Variants in SLC2A9 observed in about 807,000 individuals in gnomAD.
SLC2A9 encodes solute carrier family 2 member 9, also known as solute carrier family 2, facilitated glucose transporter member 9.
SLC2A9 carries 39 observed loss-of-function variants against 50.6 expected under a neutral mutation model. That is an observed-to-expected ratio of 0.77 (90% CI 0.60 to 1.01). SLC2A9 has a LOEUF of 1.01. SLC2A9 is among the 50% of genes least tolerant of loss of function. The pLI, the probability that SLC2A9 is intolerant of heterozygous loss-of-function variation, is 0.00. For synonymous variants in SLC2A9, 324 were observed against 276.9 expected (o/e 1.17, Z -1.69); for missense variants, 686 against 677.6 (o/e 1.01, Z -0.14).
chr4:9,783,184 G>A, intron 3 of SLC2A9: 1 of 1,614,216 alleles, frequency 6.2e-7, no homozygotes, highest in Non-Finnish European at 8.5e-7. Flanking sequence ...CGCCGGTGGA[G>A]ACGGTGAACA....
intron 3 of SLC2A9, among the ~76,000 whole-genome samples, chr4:9,799,861 G>A (rs1032608881): frequency 7.9e-5 from 12 of 152,210 alleles, no homozygotes; most frequent in South Asian, 2.1e-4. Context: ...CAAGAGAACC[G>A]TTACTGAGGG....
At chr4:9,958,726 A>G (rs1244469096) in intron 5 of SLC2A9, among the ~76,000 whole-genome samples, 1 of 152,334 alleles carries the variant, frequency 6.6e-6, no homozygotes, top group East Asian at 1.9e-4. Context: ...AGAGGCAAGA[A>G]TCCCAGGACT....
At chr4:9,840,868 T>C (rs1727960087) in intron 10 of SLC2A9, among the ~76,000 whole-genome samples, 1 of 152,124 alleles carries the variant, frequency 6.6e-6, no homozygotes, top group Non-Finnish European at 1.5e-5. Context: ...CTTACAATCG[T>C]GGAGGAAGGC....
chr4:9,866,570 G>A (rs773813828), intron 10 of SLC2A9, among the ~76,000 whole-genome samples: 18 of 152,124 alleles, frequency 1.2e-4, no homozygotes, highest in Admixed American at 7.9e-4. Context: ...TCACGCTCAT[G>A]TCAGTGACAA....
chr4:9,814,942 G>A (rs1488914414), intron 3 of SLC2A9, among the ~76,000 whole-genome samples: 3 of 151,992 alleles, frequency 2.0e-5, no homozygotes, highest in African/African-American at 4.8e-5. Context: ...ACAAATGTAT[G>A]TGGTACATGC....
chr4:9,935,752 A>G (rs920684307), intron 6 of SLC2A9, among the ~76,000 whole-genome samples: 2 of 152,220 alleles, frequency 1.3e-5, no homozygotes, highest in African/African-American at 4.8e-5. Flanking sequence ...TGCTCCCAGC[A>G]CCGTCTCGCC....
chr4:9,992,816 C>T (rs778499360), intron 3 of SLC2A9, among the ~76,000 whole-genome samples: 2 of 152,230 alleles, frequency 1.3e-5, no homozygotes, highest in Non-Finnish European at 2.9e-5. Flanking sequence ...GTTCCTGTCA[C>T]AGGCATTCAA....
chr4:9,778,814 T>C (rs1440529991), downstream of SLC2A9, among the ~76,000 whole-genome samples: 1 of 152,060 alleles, frequency 6.6e-6, no homozygotes, highest in East Asian at 1.9e-4. Context: ...TTCTTTTTTT[T>C]TCTTTCTTTC....
At chr4:9,967,011 T>C (rs1271095904) in intron 5 of SLC2A9, among the ~76,000 whole-genome samples, 2 of 152,182 alleles carry the variant, frequency 1.3e-5, no homozygotes, top group African/African-American at 2.4e-5. Flanking sequence ...CTAGCGTCCA[T>C]TTTCAAAACT....
chr4:9,800,819 T>C (rs754384674), intron 3 of SLC2A9, among the ~76,000 whole-genome samples: 2 of 152,206 alleles, frequency 1.3e-5, no homozygotes, highest in Non-Finnish European at 1.5e-5. Flanking sequence ...GCAAATACTA[T>C]GCCATTTTAT....
rs138212995 is a variant in SLC2A9 at position 9,896,090 on chromosome 4, A to C, written c.1114-5379T>G. Among the ~76,000 whole-genome samples, 57 of 152,370 alleles carry C rather than the reference A, an allele frequency of 3.7e-4. 1 individual carries two copies. The East Asian group carries it at 0.01, about 27-fold the overall frequency. On this transcript the variant is annotated intron_variant, in intron 8 of 11. Coordinates refer to ENST00000264784, the MANE Select transcript of SLC2A9 (RefSeq NM_020041.3). The stretch of plus-strand genomic sequence containing the variant: ...CATTATGATTATTGAGTCTTCATGT[A>C]GACTTGTGCATTGATTTCTCTTGGG...
chr4:9,820,595 C>A (rs896384856), intron 3 of SLC2A9, among the ~76,000 whole-genome samples: 1 of 152,114 alleles, frequency 6.6e-6, no homozygotes, highest in Non-Finnish European at 1.5e-5. Flanking sequence ...TCCATTTATT[C>A]GTTCTTTGAC....
chr4:9,875,940 C>A (rs1734249056), intron 10 of SLC2A9, among the ~76,000 whole-genome samples: 1 of 152,160 alleles, frequency 6.6e-6, no homozygotes, highest in South Asian at 2.1e-4. Flanking sequence ...CCAAACAAAG[C>A]CATAGGCAAG....
At chr4:9,885,511 TG>T (rs1736036370) in intron 10 of SLC2A9, among the ~76,000 whole-genome samples, 1 of 152,230 alleles carries the variant, frequency 6.6e-6, no homozygotes, top group Non-Finnish European at 1.5e-5. Flanking sequence ...CTCCAAGGTT[TG>T]TTTTGAAAAA....
intron 6 of SLC2A9, among the ~76,000 whole-genome samples, chr4:9,935,136 A>C (rs771021919): frequency 2.6e-5 from 4 of 152,202 alleles, no homozygotes; most frequent in Non-Finnish European, 2.9e-5. Flanking sequence ...ATGTGTCTTT[A>C]CAGTACAATG....
At chr4:9,919,377 C>CAGTTGTT (rs1400495642) in intron 7 of SLC2A9, among the ~76,000 whole-genome samples, 1 of 152,158 alleles carries the variant, frequency 6.6e-6, no homozygotes, top group East Asian at 1.9e-4. Flanking sequence ...ATAGAACCAA[C>CAGTTGTT]AGTTGTTGAA....
intron 10 of SLC2A9, among the ~76,000 whole-genome samples, chr4:9,871,415 T>C (rs539662559): frequency 1.3e-5 from 2 of 152,304 alleles, no homozygotes; most frequent in East Asian, 1.9e-4. Flanking sequence ...GAGTTGGTTC[T>C]CTCTGCAGAC....
chr4:9,940,122 C>T lies in SLC2A9; in HGVS notation c.814+1791G>A, dbSNP rs566624863. Among the ~76,000 whole-genome samples the T allele has an allele frequency of 5.9e-5, 9 of 152,166 alleles. No individual in the cohort carries two copies. The East Asian group carries it at 1.7e-3, about 29-fold the overall frequency. On this transcript the variant is annotated intron_variant, in intron 6 of 11. Transcript: ENST00000264784. ...TTTCTCAAGAGAGCCAGAGGGGGTG[C>T]GGGTTACCCTCCCAGGCTAGTAGAG...
At chr4:9,949,841 C>T (rs1162897536) in intron 5 of SLC2A9, among the ~76,000 whole-genome samples, 2 of 152,208 alleles carry the variant, frequency 1.3e-5, no homozygotes, top group Non-Finnish European at 2.9e-5. Context: ...GATAGTGAAG[C>T]CTGCACTCAC....
Sources: gnomAD v4.1 joint callset for allele counts (sites outside exome capture counted in the v4.1 genomes callset) on GRCh38, gnomAD v4.1.1 for gene constraint, MANE v1.5 for transcripts, NCBI Gene and HGNC (gene_info 2026-07-23, HGNC 2026-07-21) for gene names.